The following PXK variants were observed in gnomAD, a reference collection of about 807,000 sequenced individuals.
The protein encoded by PXK is PX domain containing serine/threonine kinase like.
In PXK, 35 loss-of-function variants were observed where a neutral mutation model predicts 84.7. The observed-to-expected ratio is 0.41, with a 90% CI of 0.32 to 0.55. The LOEUF is 0.55. PXK is among the 20% of genes least tolerant of loss of function. PXK has a pLI of 0.21. For synonymous variants in PXK, 253 were observed against 260.8 expected, an observed-to-expected ratio of 0.97 and a Z score of 0.29; for missense variants, 634 against 699.7, an observed-to-expected ratio of 0.91 and a Z score of 1.06.
chr3:58,402,980 GT>G (rs1406151673), intron 12 of PXK, among the ~76,000 whole-genome samples: 2 of 149,522 alleles, frequency 1.3e-5, no homozygotes, highest in African/African-American at 4.9e-5. Flanking sequence ...CCCGGTGTCT[GT>G]TGTTTACTTT....
At chr3:58,403,747 A>T (rs1284780095) in intron 12 of PXK, 115 bp from the exon 13 acceptor site, 5 of 477,724 alleles carry the variant, frequency 1.0e-5, no homozygotes, top group Non-Finnish European at 1.8e-5. Context: ...GGGCTGGAGG[A>T]TGTGGTGCAG....
In PXK at chr3:58,389,765, C is replaced by T. The variant is rs888836300; in HGVS notation, c.389-817C>T. Reference sequence around the variant, plus strand: ...CTGTAGTCTCAGCACTTTGGGAGGCCGAGGTGGGCGGATCACCTGAGGTCA... The same window carrying T: ...CTGTAGTCTCAGCACTTTGGGAGGCTGAGGTGGGCGGATCACCTGAGGTCA... On this transcript the variant is annotated intron_variant, in intron 4 of 17. Transcript: ENST00000356151. 6.6e-5 allele frequency among the ~76,000 whole-genome samples: 10 copies of T among 151,674 alleles called. No individual in the cohort carries two copies. In the South Asian group the frequency reaches 1.2e-3, roughly 19 times the overall value.
In PXK at chr3:58,400,692, C is replaced by T. The variant is rs1280493585; in HGVS notation, c.1181+1315C>T. Among the ~76,000 whole-genome samples, 1 of 152,172 alleles carries T rather than the reference C, an allele frequency of 6.6e-6. No individual in the cohort carries two copies. On this transcript the variant is annotated intron_variant, in intron 12 of 17. Coordinates refer to ENST00000356151, the MANE Select transcript of PXK (RefSeq NM_017771.5). The surrounding 1 kb of genome is among the most constrained non-coding windows in gnomAD (Gnocchi z 4.0). ...TTGGGAGGCTGAGGCGGGTGGATCA[C>T]TTGAGGTCAGGAGTTCAAGACCATC...
chr3:58,410,213 G>T, intron 16 of PXK, 54 bp downstream of exon 16: 1 of 1,364,782 alleles, frequency 7.3e-7, no homozygotes, highest in Non-Finnish European at 1.0e-6. Flanking sequence ...AGGATCAGGA[G>T]TCTCTAGTTG....
At chr3:58,367,611 C>T (rs1489230414) in intron 2 of PXK, among the ~76,000 whole-genome samples, 1 of 152,136 alleles carries the variant, frequency 6.6e-6, no homozygotes, top group Non-Finnish European at 1.5e-5. Context: ...GAAAACTGTC[C>T]ATTTTTATGC....
intron 1 of PXK, among the ~76,000 whole-genome samples, chr3:58,336,071 A>ATATATATATATATATATAT (rs1284780630): frequency 5.8e-5 from 3 of 51,584 alleles, no homozygotes; most frequent in African/African-American, 1.0e-4. Context: ...ATATATATAT[A>ATATATATATATATATATAT]TTTTTTTTTT....
chr3:58,376,766 A>C (rs2098446683), intron 3 of PXK, among the ~76,000 whole-genome samples: 1 of 151,990 alleles, frequency 6.6e-6, no homozygotes, highest in African/African-American at 2.4e-5. Context: ...CAGCCTCCTG[A>C]GGAGCTGAAA....
At chr3:58,386,844 G>A (rs2098556153) in intron 4 of PXK, among the ~76,000 whole-genome samples, 1 of 152,206 alleles carries the variant, frequency 6.6e-6, no homozygotes, top group Non-Finnish European at 1.5e-5. Flanking sequence ...ATAGAGCAGG[G>A]AGTGCTGAAG....
chr3:58,380,744 A>G (rs911437065), intron 3 of PXK, among the ~76,000 whole-genome samples: 1 of 152,084 alleles, frequency 6.6e-6, no homozygotes, highest in African/African-American at 2.4e-5. Flanking sequence ...CGGGAGGCGG[A>G]GTTTGCTGCA....
chr3:58,418,764 A>C (rs890035303), intron 17 of PXK, among the ~76,000 whole-genome samples: 13 of 152,172 alleles, frequency 8.5e-5, no homozygotes, highest in Non-Finnish European at 1.8e-4. Context: ...TTTAACCAAT[A>C]ATTTTGAGGT....
rs372936803 is a variant in PXK, at chr3:58,389,239, CT to C, written c.389-1339del. On this transcript the variant is annotated intron_variant, in intron 4 of 17. Coordinates refer to ENST00000356151, the MANE Select transcript of PXK (RefSeq NM_017771.5). ...GAACCATGTTGTTGCTGTACACTGG[CT>C]TTTATTTCTAGTATATATTTAAGGC... is the stretch of plus-strand genomic sequence containing the variant. Among the ~76,000 whole-genome samples, 43 of 152,122 alleles carry C rather than the reference CT, an allele frequency of 2.8e-4. No individual in the cohort carries two copies. The South Asian group carries it at 3.7e-3, about 13-fold the overall frequency.
chr3:58,413,064 TAGC>T (rs2060445997), intron 17 of PXK, 101 bp downstream of exon 17: 2 of 1,254,728 alleles, frequency 1.6e-6, no homozygotes, highest in African/African-American at 1.5e-5. Context: ...AGGGGTTAGA[TAGC>T]AGCAGCTTTC....
At position 58,385,653 on chromosome 3, in the gene PXK, C is replaced by T. The variant is rs1471479776; in HGVS notation, c.388+2953C>T. 3.9e-5 allele frequency among the ~76,000 whole-genome samples: 6 copies of T among 152,182 alleles called. No homozygotes were observed. The highest frequency in any genetic ancestry group is 7.3e-5 in the Non-Finnish European group (5 of 68,032). On this transcript the variant is annotated intron_variant, in intron 4 of 17. Coordinates refer to ENST00000356151, the MANE Select transcript of PXK (RefSeq NM_017771.5). This position sits in a 1 kb window ranked among gnomAD's most constrained non-coding sequence, Gnocchi z 5.1. ...AGCTGGGATTACAAGTGCACACCAC[C>T]ATGCCCAGCTAATTTTTTCATTGTT... is the stretch of plus-strand genomic sequence containing the variant.
chr3:58,375,948 TAAC>T (rs34112372), intron 3 of PXK, among the ~76,000 whole-genome samples: 34,515 of 152,088 alleles, frequency 0.23, 5,850 homozygotes, highest in East Asian at 0.81. Flanking sequence ...TACACCAAGT[TAAC>T]AACAGCTACC....
intron 17 of PXK, chr3:58,420,687 C>T: frequency 6.6e-7 from 1 of 1,506,756 alleles, no homozygotes; most frequent in Non-Finnish European, 8.8e-7. Flanking sequence ...AGATTTGAGA[C>T]TATTTCCTTA....
Position 58,369,458 on chromosome 3 carries a change from T to A in PXK, c.181T>A (p.Leu61Met). ...QIVRRYSDFD[L>M]LNNSLQIAGL... ...TGTTAGAAGATACAGTGACTTTGAT[T>A]TGCTTAACAACAGCTTACAGGTAAA... The change falls in exon 3 of 18, where the codon TTG (leucine) becomes ATG (methionine). Residue 61 changes from leucine (L) to methionine (M), a missense_variant. Leu to Met is a conservative substitution (Grantham distance 15, BLOSUM62 2). This residue lies in a region of PXK where 353 missense variants were observed against 385.2 expected (regional missense o/e 0.92). Transcript: ENST00000356151. The A allele has an allele frequency of 6.2e-7, 1 of 1,610,666 alleles. No individual in the cohort carries two copies. Among genetic ancestry groups the A allele is most frequent in the African/African-American group, 1.3e-5 (1 of 74,974 alleles).
chr3:58,420,744 A>G lies in PXK; in HGVS notation c.1529-4008A>G, dbSNP rs984473272. On this transcript the variant is annotated intron_variant, in intron 17 of 17. Coordinates refer to ENST00000356151, the MANE Select transcript of PXK (RefSeq NM_017771.5). ...CAGCATCTTTAAAAAGCACCCAGTG[A>G]CTTCATCTATATTCATTTCATTTTC... The G allele has an allele frequency of 2.1e-6, 3 of 1,430,898 alleles. No individual in the cohort carries two copies. The African/African-American group carries it at 4.3e-5, about 21-fold the overall frequency. The allele number at this position is 1,430,898 out of a possible 1,614,324, so 88.6% of individuals were successfully genotyped here.
Position 58,397,305 on chromosome 3 carries a change from G to T in PXK, c.984+105G>T. ...GCACCAAGTAGTGAAAGGTATAGTT[G>T]GGACAGGCCTTGCCCGTCAGCCCTT... On this transcript the variant is annotated intron_variant, in intron 10 of 17. Transcript: ENST00000356151. This position sits in a 1 kb window ranked among gnomAD's most constrained non-coding sequence, Gnocchi z 4.7. 2 of 1,354,532 alleles carry T rather than the reference G, an allele frequency of 1.5e-6. No homozygotes were observed. 83.9% of individuals were successfully genotyped at this position (1,354,532 alleles called of 1,614,324 possible).
At chr3:58,340,241 G>A (rs1454389177) in intron 1 of PXK, among the ~76,000 whole-genome samples, 3 of 151,228 alleles carry the variant, frequency 2.0e-5, no homozygotes, top group African/African-American at 7.3e-5. Flanking sequence ...TTCTGCCTCA[G>A]CCTCCTGAGT....
Sources: gnomAD v4.1 joint callset for allele counts (sites outside exome capture counted in the v4.1 genomes callset) on GRCh38, gnomAD v4.1.1 for gene constraint, gnomAD v4.1.1 regional missense constraint, Gnocchi (gnomAD v3.1) non-coding constraint, MANE v1.5 for transcripts, NCBI Gene and HGNC (gene_info 2026-07-23, HGNC 2026-07-21) for gene names.